Variants in EMILIN2 observed in about 807,000 individuals in gnomAD.
EMILIN2 encodes the protein elastin microfibril interfacer 2.
In EMILIN2, 71 loss-of-function variants were observed where a neutral mutation model predicts 87.1. The observed-to-expected ratio is 0.82, with a 90% CI of 0.67 to 0.99. The LOEUF is 0.99. EMILIN2 is among the 50% of genes least tolerant of loss of function. The pLI is 0.00. For missense variants in EMILIN2, 1,407 were observed against 1,371.8 expected, an observed-to-expected ratio of 1.03 and a Z score of -0.40; for synonymous variants, 581 against 563.4, an observed-to-expected ratio of 1.03 and a Z score of -0.44.
Position 2,890,938 on chromosome 18 carries a change from G to A in EMILIN2, c.811G>A (p.Asp271Asn). 6.2e-7 allele frequency: 1 copy of A among 1,614,086 alleles called. No homozygotes were observed. Residue 271 changes from aspartate (D) to asparagine (N), a missense_variant, in exon 4 of 8, where the codon GAT (aspartate) becomes AAT (asparagine). By Grantham distance (23) the Asp-to-Asn change is conservative. Transcript: ENST00000254528. The surrounding 1 kb of genome is among the most constrained non-coding windows in gnomAD (Gnocchi z 4.7). ...CAAGTCTGAATTGGCTGAAGTCAAAGATACTCTAAAGAACAAAAGTGACAA... is the reference window on the plus strand; with the variant it reads ...CAAGTCTGAATTGGCTGAAGTCAAAAATACTCTAAAGAACAAAAGTGACAA... ...DIKSELAEVK[D>N]TLKNKSDKLE...
intron 2 of EMILIN2, among the ~76,000 whole-genome samples, chr18:2,850,610 A>G (rs1326164893): frequency 6.6e-6 from 1 of 151,756 alleles, no homozygotes; most frequent in Non-Finnish European, 1.5e-5. Context: ...GGGTCTCACT[A>G]TGTTACCCAG....
intron 2 of EMILIN2, among the ~76,000 whole-genome samples, chr18:2,873,295 G>A (rs974758191): frequency 2.0e-5 from 3 of 151,918 alleles, no homozygotes; most frequent in African/African-American, 2.4e-5. Context: ...CTGTAATCCC[G>A]GCTACTCAGG....
At chr18:2,906,668 C>T (rs1160866202) in intron 4 of EMILIN2, 115 bp from the exon 5 acceptor site, 1 of 835,696 alleles carries the variant, frequency 1.2e-6, no homozygotes, top group African/African-American at 1.8e-5. Context: ...CAGGGGTGGC[C>T]GCAGAGTCCT....
chr18:2,912,124 C>T (rs75860426), intron 7 of EMILIN2, among the ~76,000 whole-genome samples: 5 of 151,324 alleles, frequency 3.3e-5, no homozygotes, highest in East Asian at 3.9e-4. Context: ...CTGCAACCTC[C>T]GCCACATGGG....
chr18:2,864,640 G>A (rs2143976128), intron 2 of EMILIN2, among the ~76,000 whole-genome samples: 1 of 152,242 alleles, frequency 6.6e-6, no homozygotes, highest in African/African-American at 2.4e-5. Flanking sequence ...CTCTCTGGCT[G>A]CCCTTAACAT....
chr18:2,874,387 C>G (rs926666804), intron 2 of EMILIN2, among the ~76,000 whole-genome samples: 1 of 151,922 alleles, frequency 6.6e-6, no homozygotes, highest in African/African-American at 2.4e-5. Context: ...TGGATAGATT[C>G]CTGTGTGTGT....
chr18:2,865,697 T>G (rs921796249), intron 2 of EMILIN2, among the ~76,000 whole-genome samples: 7 of 152,186 alleles, frequency 4.6e-5, no homozygotes, highest in African/African-American at 1.7e-4. Flanking sequence ...TTCTCAGATC[T>G]CCAGCTGTGT....
chr18:2,885,530 T>C (rs1322306040), intron 3 of EMILIN2, among the ~76,000 whole-genome samples: 1 of 152,138 alleles, frequency 6.6e-6, no homozygotes, highest in African/African-American at 2.4e-5. Context: ...TTATTTTTTA[T>C]TTTTTTGAGA....
chr18:2,848,415 C>T lies in EMILIN2; in HGVS notation c.257+484C>T, dbSNP rs1245143262. Among the ~76,000 whole-genome samples the T allele has an allele frequency of 1.3e-5, 2 of 152,086 alleles. No individual in the cohort carries two copies. Among genetic ancestry groups the T allele is most frequent in the Admixed American group, 6.6e-5 (1 of 15,266 alleles). ...GTATGTCCCCATAAAACGGAATCTTCCAGTTTTGTAGATGTCTAAGCTAAA... is the reference window on the plus strand; with the variant it reads ...GTATGTCCCCATAAAACGGAATCTTTCAGTTTTGTAGATGTCTAAGCTAAA... On this transcript the variant is annotated intron_variant, in intron 2 of 7. Transcript: ENST00000254528. The surrounding 1 kb of genome is among the most constrained non-coding windows in gnomAD (Gnocchi z 4.1).
intron 4 of EMILIN2, among the ~76,000 whole-genome samples, chr18:2,902,373 G>A (rs1442899478): frequency 6.6e-6 from 1 of 152,196 alleles, no homozygotes; most frequent in African/African-American, 2.4e-5. Flanking sequence ...AGAGAGGAAA[G>A]GTCTGAACCA....
At chr18:2,900,321 A>G (rs2076883016) in intron 4 of EMILIN2, among the ~76,000 whole-genome samples, 1 of 152,164 alleles carries the variant, frequency 6.6e-6, no homozygotes, top group Admixed American at 6.5e-5. Flanking sequence ...CTGAATAGCC[A>G]GAACTACAAG....
At chr18:2,851,148 G>A (rs1020207907) in intron 2 of EMILIN2, among the ~76,000 whole-genome samples, 2 of 151,590 alleles carry the variant, frequency 1.3e-5, no homozygotes, top group African/African-American at 2.4e-5. Context: ...TACTTAGAGA[G>A]AGATCGGGGC....
At chr18:2,900,747 G>A (rs930900149) in intron 4 of EMILIN2, among the ~76,000 whole-genome samples, 2 of 152,278 alleles carry the variant, frequency 1.3e-5, no homozygotes, top group Middle Eastern at 3.4e-3. Context: ...GCTTCAGTCC[G>A]TGATGGTATG....
In EMILIN2 at chr18:2,892,337, T is replaced by C. The variant is rs1463989894; in HGVS notation, c.2210T>C (p.Leu737Pro). ...KEGLNKHVSS[L>P]WNCVRQMNGT... is the part of the protein sequence containing the mutation. The stretch of plus-strand genomic sequence containing the variant: ...GGGCTCAACAAGCATGTCAGCAGCC[T>C]GTGGAACTGTGTCAGGCAGATGAAC... The change falls in exon 4 of 8, where the codon CTG becomes CCG. Residue 737 changes from leucine (L) to proline (P), a missense_variant. Leu to Pro is a moderately conservative substitution (Grantham distance 98). Coordinates refer to ENST00000254528, the MANE Select transcript of EMILIN2 (RefSeq NM_032048.3). 6.2e-7 allele frequency: 1 copy of C among 1,614,058 alleles called. No individual in the cohort carries two copies. The highest frequency in any genetic ancestry group is 8.5e-7 in the Non-Finnish European group (1 of 1,180,048).
At chr18:2,867,952 C>A (rs868475593) in intron 2 of EMILIN2, among the ~76,000 whole-genome samples, 1 of 151,820 alleles carries the variant, frequency 6.6e-6, no homozygotes, top group Non-Finnish European at 1.5e-5. Context: ...CCTCACCTCC[C>A]GGACGGGGCG....
intron 4 of EMILIN2, among the ~76,000 whole-genome samples, chr18:2,898,582 G>A (rs999353513): frequency 2.0e-5 from 3 of 152,204 alleles, no homozygotes; most frequent in African/African-American, 7.2e-5. Flanking sequence ...AGAGATAATG[G>A]CATCACTTCC....
At chr18:2,878,106 G>T (rs2076758593) in intron 2 of EMILIN2, among the ~76,000 whole-genome samples, 1 of 150,232 alleles carries the variant, frequency 6.7e-6, no homozygotes, top group Non-Finnish European at 1.5e-5. Context: ...AGGTGAAACA[G>T]TTCTGGAGGT....
chr18:2,907,671 G>A (rs954662251), intron 5 of EMILIN2, among the ~76,000 whole-genome samples: 1 of 152,220 alleles, frequency 6.6e-6, no homozygotes, highest in East Asian at 1.9e-4. Context: ...TGTCAGAGTA[G>A]AGACAGGAGA....
At chr18:2,868,022 G>A (rs1212222671) in intron 2 of EMILIN2, among the ~76,000 whole-genome samples, 232 of 151,862 alleles carry the variant, frequency 1.5e-3, no homozygotes, top group Non-Finnish European at 2.8e-3. Context: ...GCTGCCGGGC[G>A]GAGATGCTCC....
Sources: gnomAD v4.1 joint callset for allele counts (sites outside exome capture counted in the v4.1 genomes callset) on GRCh38, gnomAD v4.1.1 for gene constraint, Gnocchi (gnomAD v3.1) non-coding constraint, MANE v1.5 for transcripts, NCBI Gene and HGNC (gene_info 2026-07-23, HGNC 2026-07-21) for gene names.